Variants in EIPR1 observed in about 807,000 individuals in gnomAD.
EIPR1 encodes the protein EARP complex and GARP complex interacting protein 1, also known as EARP and GARP complex-interacting protein 1.
Under a neutral mutation model 48.1 loss-of-function variants are expected in EIPR1, and 25 were observed. That is an observed-to-expected ratio of 0.52 (90% CI 0.38 to 0.73). The LOEUF (loss-of-function observed/expected upper bound fraction) is 0.73, where lower values mean the gene tolerates loss of function less well. EIPR1 is among the 30% of genes least tolerant of loss of function. The pLI is 0.00. For synonymous variants in EIPR1, 204 were observed against 201.9 expected (o/e 1.01, Z -0.09); for missense variants, 415 against 506.2 (o/e 0.82, Z 1.73).
At chr2:3,335,415 C>A (rs1670012940) in intron 3 of EIPR1, among the ~76,000 whole-genome samples, 1 of 151,998 alleles carries the variant, frequency 6.6e-6, no homozygotes, top group Non-Finnish European at 1.5e-5. Flanking sequence ...CCATGCCCTG[C>A]AGGACCATGG....
chr2:3,357,773 A>C lies in EIPR1; in HGVS notation c.43-3140T>G, dbSNP rs117328810. Among the ~76,000 whole-genome samples the C allele has an allele frequency of 8.7e-3, 1,325 of 152,122 alleles. 126 individuals are homozygous for C. In the East Asian group the frequency reaches 0.2, roughly 23 times the overall value. On this transcript the variant is annotated intron_variant, in intron 1 of 8. Transcript: ENST00000382125. ...TCACGAATTGATCATTGTTCAATTA[A>C]ACTCCTTTAAATTTAATTCAGCTGA... is the stretch of plus-strand genomic sequence containing the variant.
intron 1 of EIPR1, among the ~76,000 whole-genome samples, chr2:3,359,628 G>C (rs999100734): frequency 1.3e-5 from 2 of 152,064 alleles, no homozygotes; most frequent in African/African-American, 4.8e-5. Context: ...TAATTTAAGA[G>C]CTTTCCAAAA....
intron 2 of EIPR1, among the ~76,000 whole-genome samples, chr2:3,352,349 T>G (rs1324771341): frequency 5.1e-4 from 67 of 131,200 alleles, no homozygotes; most frequent in South Asian, 2.6e-3. Flanking sequence ...CTACAGAAGC[T>G]ACCTGCCCCT....
chr2:3,363,375 A>C (rs1000098279), intron 1 of EIPR1, among the ~76,000 whole-genome samples: 1 of 152,224 alleles, frequency 6.6e-6, no homozygotes, highest in Non-Finnish European at 1.5e-5. Flanking sequence ...AACTTAATGA[A>C]GGAATCATCT....
At chr2:3,310,438 G>A (rs963580831) in intron 3 of EIPR1, among the ~76,000 whole-genome samples, 7 of 145,490 alleles carry the variant, frequency 4.8e-5, no homozygotes, top group Middle Eastern at 6.9e-3. Flanking sequence ...CGGATCACAA[G>A]GTCAGGAGAC....
chr2:3,368,401 G>C (rs769256256), intron 1 of EIPR1, among the ~76,000 whole-genome samples: 3 of 152,152 alleles, frequency 2.0e-5, no homozygotes, highest in Non-Finnish European at 2.9e-5. Context: ...GTCTGGCCCA[G>C]CTCACTTGGC....
At chr2:3,339,963 A>C (rs1670185440) in intron 2 of EIPR1, among the ~76,000 whole-genome samples, 1 of 152,148 alleles carries the variant, frequency 6.6e-6, no homozygotes, top group African/African-American at 2.4e-5. Flanking sequence ...AACAACAAAA[A>C]AACTTTGAGT....
intron 4 of EIPR1, among the ~76,000 whole-genome samples, chr2:3,231,066 CT>C (rs772786949): frequency 1.1e-4 from 17 of 152,170 alleles, no homozygotes; most frequent in Non-Finnish European, 1.9e-4. Flanking sequence ...CTTTCACTGC[CT>C]TGGTAAAAGT....
chr2:3,326,468 T>C (rs772139905), intron 3 of EIPR1, among the ~76,000 whole-genome samples: 17 of 152,120 alleles, frequency 1.1e-4, no homozygotes, highest in Non-Finnish European at 1.8e-4. Flanking sequence ...CATGCCCACC[T>C]AAGGAGGTAA....
chr2:3,291,963 C>T (rs1013290194), intron 3 of EIPR1, among the ~76,000 whole-genome samples: 1 of 152,242 alleles, frequency 6.6e-6, no homozygotes, highest in Admixed American at 6.5e-5. Context: ...TCAGGGGCCC[C>T]GCTGGGCCAT....
chr2:3,355,734 G>A (rs1572480994), intron 1 of EIPR1, among the ~76,000 whole-genome samples: 2 of 151,966 alleles, frequency 1.3e-5, no homozygotes, highest in African/African-American at 2.4e-5. Flanking sequence ...AGGATCACTC[G>A]AGCCCAGGAG....
intron 2 of EIPR1, among the ~76,000 whole-genome samples, chr2:3,343,401 A>G (rs1460576990): frequency 1.3e-5 from 2 of 152,372 alleles, no homozygotes; most frequent in East Asian, 1.9e-4. Context: ...AGGTGAGTGC[A>G]AAAGATTACC....
chr2:3,295,872 G>GCACA (rs1668561531), intron 3 of EIPR1, among the ~76,000 whole-genome samples: 1 of 39,450 alleles, frequency 2.5e-5, no homozygotes, highest in Non-Finnish European at 4.8e-5. Context: ...TCCTCTCTCT[G>GCACA]CACACACCCT....
chr2:3,309,757 G>T (rs1228902714), intron 3 of EIPR1, among the ~76,000 whole-genome samples: 1 of 152,186 alleles, frequency 6.6e-6, no homozygotes, highest in Non-Finnish European at 1.5e-5. Context: ...GATGCTTCCC[G>T]ATGGGAGTGA....
chr2:3,262,852 C>T (rs1667375378), intron 3 of EIPR1, among the ~76,000 whole-genome samples: 1 of 152,204 alleles, frequency 6.6e-6, no homozygotes. Context: ...CAGTCATACC[C>T]ACCACGGCAC....
intron 1 of EIPR1, among the ~76,000 whole-genome samples, chr2:3,365,625 A>G (rs1330068851): frequency 1.3e-5 from 2 of 149,794 alleles, no homozygotes; most frequent in African/African-American, 2.5e-5. Flanking sequence ...TAGGCAGAGG[A>G]CCCTGCGGCC....
At chr2:3,255,467 G>A (rs1282970450) in intron 4 of EIPR1, among the ~76,000 whole-genome samples, 1 of 152,238 alleles carries the variant, frequency 6.6e-6, no homozygotes, top group African/African-American at 2.4e-5. Context: ...ACAGGTGTGA[G>A]CCACTGCACC....
intron 3 of EIPR1, among the ~76,000 whole-genome samples, chr2:3,308,944 T>C (rs764803230): frequency 1.3e-5 from 2 of 152,274 alleles, no homozygotes; most frequent in African/African-American, 2.4e-5. Flanking sequence ...GGAGGAAAAC[T>C]AAGGAAGTTT....
At chr2:3,356,693 A>G (rs1670737983) in intron 1 of EIPR1, among the ~76,000 whole-genome samples, 2 of 152,212 alleles carry the variant, frequency 1.3e-5, no homozygotes, top group African/African-American at 4.8e-5. Flanking sequence ...CTCCTGGATT[A>G]TTTAATCGCA....
Sources: gnomAD v4.1 joint callset for allele counts (sites outside exome capture counted in the v4.1 genomes callset) on GRCh38, gnomAD v4.1.1 for gene constraint, MANE v1.5 for transcripts, NCBI Gene and HGNC (gene_info 2026-07-23, HGNC 2026-07-21) for gene names.